Variants in SULF2 observed in about 807,000 individuals in gnomAD.
The protein encoded by SULF2 is sulfatase 2, also known as extracellular sulfatase Sulf-2.
SULF2 carries 52 observed loss-of-function variants against 107.7 expected under a neutral mutation model. The ratio of observed to expected loss-of-function variants is 0.48; its 90% CI spans 0.39 to 0.61. SULF2 has a LOEUF of 0.61. Ranked by LOEUF, SULF2 falls within the 20% of genes least tolerant of loss-of-function variation. SULF2 has a pLI of 0.00. For missense variants in SULF2, 993 were observed against 1,177.3 expected (o/e 0.84, Z 2.29); for synonymous variants, 460 against 464.3 (o/e 0.99, Z 0.12).
intron 3 of SULF2, among the ~76,000 whole-genome samples, chr20:47,733,165 A>G (rs959857571): frequency 6.6e-6 from 1 of 152,240 alleles, no homozygotes; most frequent in African/African-American, 2.4e-5. Context: ...CCACTGACGA[A>G]TAATTACCTG....
chr20:47,670,304 T>C (rs1270676144), intron 11 of SULF2, among the ~76,000 whole-genome samples: 1 of 152,104 alleles, frequency 6.6e-6, no homozygotes, highest in Admixed American at 6.5e-5. Flanking sequence ...GCCATTCTAG[T>C]GCCTCAGCCT....
intron 3 of SULF2, among the ~76,000 whole-genome samples, chr20:47,708,893 C>T (rs771682574): frequency 2.0e-5 from 3 of 152,166 alleles, no homozygotes; most frequent in Non-Finnish European, 2.9e-5. Context: ...TCCCCTTTCA[C>T]GTCTCTTTCC....
In SULF2 at chr20:47,671,476, G is replaced by A. The variant is rs577468221; in HGVS notation, c.1576+722C>T. Among the ~76,000 whole-genome samples the A allele has an allele frequency of 3.9e-5, 6 of 152,212 alleles. No homozygotes were observed. The South Asian group carries it at 1.0e-3, about 26-fold the overall frequency. On this transcript the variant is annotated intron_variant, in intron 11 of 20. Transcript: ENST00000688720. ...TTTAGTAGAGATGGGGTTTCACCATGTTGGCCAGGCTGGTCTTGAACTCCT... is the reference window on the plus strand; with the variant it reads ...TTTAGTAGAGATGGGGTTTCACCATATTGGCCAGGCTGGTCTTGAACTCCT...
chr20:47,676,726 T>C (rs1265441821), intron 9 of SULF2, 103 bp from the exon 10 acceptor site: 2 of 1,444,158 alleles, frequency 1.4e-6, no homozygotes, highest in Non-Finnish European at 1.9e-6. Flanking sequence ...GGCTCCGGCT[T>C]TTCCTCACAG....
chr20:47,665,771 G>C, intron 13 of SULF2, 86 bp downstream of exon 13: 1 of 1,128,878 alleles, frequency 8.9e-7, no homozygotes, highest in Non-Finnish European at 1.3e-6. Context: ...CCCTGGGTCT[G>C]GCCTCACTGC....
At chr20:47,779,288 C>T (rs151042764) in intron 1 of SULF2, among the ~76,000 whole-genome samples, 3 of 152,292 alleles carry the variant, frequency 2.0e-5, no homozygotes, top group East Asian at 1.9e-4. Context: ...ATACTGTCTC[C>T]GGATAGTGTT....
At chr20:47,764,580 G>C (rs973540223) in intron 1 of SULF2, among the ~76,000 whole-genome samples, 26 of 152,310 alleles carry the variant, frequency 1.7e-4, no homozygotes, top group Non-Finnish European at 3.1e-4. Context: ...TAAGCGAGAG[G>C]GAGTCCTGGA....
intron 6 of SULF2, 74 bp downstream of exon 6, chr20:47,684,357 C>T: frequency 8.1e-6 from 12 of 1,475,332 alleles, no homozygotes; most frequent in Non-Finnish European, 1.1e-5. Context: ...CCCTGAAGGG[C>T]CAGGAGGTCT....
chr20:47,739,666 A>G (rs1229316155), intron 2 of SULF2, among the ~76,000 whole-genome samples: 2 of 152,176 alleles, frequency 1.3e-5, no homozygotes, highest in Non-Finnish European at 2.9e-5. Flanking sequence ...AACATAAGTC[A>G]TTTTGATTTC....
At chr20:47,669,348 C>T (rs1164433191) in intron 11 of SULF2, among the ~76,000 whole-genome samples, 1 of 152,184 alleles carries the variant, frequency 6.6e-6, no homozygotes, top group Non-Finnish European at 1.5e-5. Flanking sequence ...CCCAACCTTA[C>T]CACTGCGGAC....
intron 10 of SULF2, among the ~76,000 whole-genome samples, chr20:47,674,903 C>T (rs2087591816): frequency 6.6e-6 from 1 of 152,134 alleles, no homozygotes. Context: ...GACGTCTGAG[C>T]CTGAGGTCCC....
chr20:47,772,454 T>C (rs1222453756), intron 1 of SULF2, among the ~76,000 whole-genome samples: 1 of 152,188 alleles, frequency 6.6e-6, no homozygotes, highest in African/African-American at 2.4e-5. Flanking sequence ...GCAATGACAT[T>C]GTGGTTACAT....
At chr20:47,766,195 CCT>C (rs149051384) in intron 1 of SULF2, among the ~76,000 whole-genome samples, 16 of 152,318 alleles carry the variant, frequency 1.1e-4, no homozygotes, top group South Asian at 1.0e-3. Context: ...TTTACACTCC[CCT>C]GTGTCTCCCT....
chr20:47,764,480 C>T (rs1333149423), intron 1 of SULF2, among the ~76,000 whole-genome samples: 1 of 152,178 alleles, frequency 6.6e-6, no homozygotes, highest in African/African-American at 2.4e-5. Context: ...TGCAGGGCAG[C>T]GCATGTGAGC....
intron 7 of SULF2, among the ~76,000 whole-genome samples, chr20:47,682,333 C>T (rs1389342592): frequency 2.6e-5 from 4 of 152,216 alleles, no homozygotes; most frequent in Admixed American, 1.3e-4. Context: ...AAATGACAGT[C>T]TTAATAGCAA....
intron 1 of SULF2, among the ~76,000 whole-genome samples, chr20:47,769,457 C>CA (rs1293717267): frequency 1.3e-5 from 2 of 151,774 alleles, no homozygotes; most frequent in African/African-American, 4.8e-5. Flanking sequence ...CTTGGCCTCC[C>CA]AATGTGCTGG....
intron 3 of SULF2, among the ~76,000 whole-genome samples, chr20:47,717,900 C>T (rs975543129): frequency 1.3e-5 from 2 of 151,700 alleles, no homozygotes; most frequent in South Asian, 2.1e-4. Context: ...TGCAAACCTC[C>T]GCCTGCCAGG....
chr20:47,752,328 A>T (rs1485058025), intron 2 of SULF2, among the ~76,000 whole-genome samples: 1 of 152,208 alleles, frequency 6.6e-6, no homozygotes, highest in Non-Finnish European at 1.5e-5. Context: ...CAGAGAGGGC[A>T]AATCTTTCCC....
chr20:47,717,651 T>C (rs1476044681), intron 3 of SULF2, among the ~76,000 whole-genome samples: 1 of 152,148 alleles, frequency 6.6e-6, no homozygotes, highest in East Asian at 1.9e-4. Context: ...TATCTTCCCA[T>C]GCTGCATCCT....
Sources: gnomAD v4.1 joint callset for allele counts (sites outside exome capture counted in the v4.1 genomes callset) on GRCh38, gnomAD v4.1.1 for gene constraint, MANE v1.5 for transcripts, NCBI Gene and HGNC (gene_info 2026-07-23, HGNC 2026-07-21) for gene names.